The following BTN3A3 variants were observed in gnomAD, a reference collection of about 807,000 sequenced individuals.
BTN3A3 encodes the protein butyrophilin 3.
BTN3A3 carries 39 observed loss-of-function variants against 43.2 expected under a neutral mutation model. The ratio of observed to expected loss-of-function variants is 0.90; its 90% CI spans 0.70 to 1.18. The LOEUF is 1.18. Ranked by LOEUF, BTN3A3 falls within the 50% of genes most tolerant of loss-of-function variation. The pLI, the probability that BTN3A3 is intolerant of heterozygous loss-of-function variation, is 0.00. For missense variants in BTN3A3, 631 were observed against 722.8 expected (o/e 0.87, Z 1.46); for synonymous variants, 255 against 272.7 (o/e 0.93, Z 0.64).
chr6:26,449,752 TCTG>T, intron 9 of BTN3A3, 64 bp downstream of exon 9: 1 of 1,587,990 alleles, frequency 6.3e-7, no homozygotes, highest in East Asian at 2.2e-5. Context: ...CAACTTTTTC[TCTG>T]CTGTGACCCA....
chr6:26,443,305 G>A, intron 1 of BTN3A3, 77 bp from the exon 2 acceptor site: 3 of 556,018 alleles, frequency 5.4e-6, no homozygotes, highest in Non-Finnish European at 8.2e-6. Flanking sequence ...GGAAGTGATA[G>A]GATTATGAAT....
At position 26,444,248 on chromosome 6, in the gene BTN3A3, G is replaced by T. The variant is rs756493692; in HGVS notation, c.377G>T (p.Cys126Phe). The T allele has an allele frequency of 1.9e-6, 3 of 1,612,068 alleles. No individual in the cohort carries two copies. The South Asian group carries it at 3.3e-5, about 18-fold the overall frequency. The change falls in exon 4 of 11, where the codon TGT becomes TTT. Residue 126 changes from cysteine to phenylalanine, a missense_variant. By Grantham distance (205) the Cys-to-Phe change is radical. This residue lies in a region of BTN3A3 where 551 missense variants were observed against 584.0 expected (regional missense o/e 0.94). Coordinates refer to ENST00000244519, the MANE Select transcript of BTN3A3 (RefSeq NM_006994.5). Reference sequence around the variant, plus strand: ...GCCTCTGACAGTGGAAAGTACTTGTGTTATTTCCAAGATGGTGACTTCTAC... The same window carrying T: ...GCCTCTGACAGTGGAAAGTACTTGTTTTATTTCCAAGATGGTGACTTCTAC... ...VTASDSGKYL[C>F]YFQDGDFYEK...
chr6:26,452,790 C>A lies in BTN3A3; in HGVS notation c.*379C>A, dbSNP rs1183354663. On this transcript the variant is annotated 3_prime_UTR_variant, in exon 11 of 11. Transcript: ENST00000244519. ...TGGCTAATTGCCTGTTCTTTTCCAGCCTGATTTTTTTTCCCACAGGAAGAG... is the reference window on the plus strand; with the variant it reads ...TGGCTAATTGCCTGTTCTTTTCCAGACTGATTTTTTTTCCCACAGGAAGAG... 5.4e-6 allele frequency: 1 copy of A among 186,694 alleles called. No individual in the cohort carries two copies. Among genetic ancestry groups the A allele is most frequent in the South Asian group, 1.1e-4 (1 of 9,128 alleles). 11.6% of individuals were successfully genotyped at this position (186,694 alleles called of 1,614,324 possible). A position where few individuals can be genotyped will look rare whatever the true frequency, so the allele number is the denominator to read the frequency against.
At chr6:26,444,627 A>T (rs1486317255) in intron 4 of BTN3A3, 2 of 491,690 alleles carry the variant, frequency 4.1e-6, no homozygotes, top group Non-Finnish European at 7.4e-6. Flanking sequence ...TTAGTCATGT[A>T]ACAGACGGCT....
intron 10 of BTN3A3, among the ~76,000 whole-genome samples, chr6:26,451,078 G>C (rs941648233): frequency 5.9e-5 from 9 of 152,182 alleles, no homozygotes; most frequent in Admixed American, 5.9e-4. Context: ...AGGCTGGAGA[G>C]TGAATCTGGG....
In BTN3A3 at chr6:26,452,090, A is replaced by G. The variant is rs762084260; in HGVS notation, c.1434A>G (p.Thr478=). 2.3e-5 allele frequency: 37 copies of G among 1,613,900 alleles called. No homozygotes were observed. Among genetic ancestry groups the G allele is most frequent in the African/African-American group, 9.4e-5 (7 of 74,844 alleles). ...GAGAGATCTCGTTCTATAATGCCAC[A>G]GATGGATCTCATATCTACACCTTTC... The part of the protein sequence containing the change: ...ETGEISFYNA[T]DGSHIYTFPH... Residue 478 remains threonine (T), a synonymous_variant, in exon 11 of 11, where the codon ACA becomes ACG. Coordinates refer to ENST00000244519, the MANE Select transcript of BTN3A3 (RefSeq NM_006994.5).
chr6:26,445,673 C>T (rs1762756654), intron 4 of BTN3A3, 31 bp from the exon 5 acceptor site: 2 of 1,602,010 alleles, frequency 1.2e-6, no homozygotes, highest in African/African-American at 1.3e-5. Context: ...CAGGAGCTCT[C>T]AAGAATTTAG....
intron 5 of BTN3A3, among the ~76,000 whole-genome samples, chr6:26,446,691 T>A (rs1581654624): frequency 6.6e-6 from 1 of 152,192 alleles, no homozygotes; most frequent in Non-Finnish European, 1.5e-5. Context: ...TTGTATGAGA[T>A]GATCCATGTA....
intron 5 of BTN3A3, 27 bp from the exon 6 acceptor site, chr6:26,448,221 C>A (rs758928068): frequency 1.2e-6 from 2 of 1,610,104 alleles, no homozygotes; most frequent in Non-Finnish European, 1.7e-6. Context: ...CACTAGCTCC[C>A]ATGACCCACA....
intron 10 of BTN3A3, among the ~76,000 whole-genome samples, chr6:26,450,395 G>C (rs2113843704): frequency 1.3e-5 from 2 of 152,250 alleles, no homozygotes; most frequent in Middle Eastern, 3.4e-3. Context: ...GGAGCTGAGG[G>C]GAAGGAGACA....
rs372009871 is a variant in BTN3A3, at chr6:26,452,242, A to C, written c.1586A>C (p.Asp529Ala). The C allele has an allele frequency of 1.2e-6, 2 of 1,614,040 alleles. No homozygotes were observed. The highest frequency in any genetic ancestry group is 1.7e-6 in the Non-Finnish European group (2 of 1,180,046). Residue 529 changes from aspartate to alanine, a missense_variant, in exon 11 of 11, where the codon GAT becomes GCT. Physicochemically the swap from Asp to Ala is moderately radical, Grantham distance 126. Around this residue, in one of 2 missense-constraint regions of BTN3A3, gnomAD observed 551 missense variants for 584.0 expected, o/e 0.94. Coordinates refer to ENST00000244519, the MANE Select transcript of BTN3A3 (RefSeq NM_006994.5). ...ESSPDPDLVP[D>A]HSLETPLTPG... ...TCCCCCGATCCTGACCTAGTGCCTG[A>C]TCATTCCCTGGAGACACCACTGACC...
At chr6:26,448,509 A>G in intron 6 of BTN3A3, 61 bp downstream of exon 6, 1 of 1,607,724 alleles carries the variant, frequency 6.2e-7, no homozygotes, top group Non-Finnish European at 8.5e-7. Flanking sequence ...TGAAGATCTC[A>G]CCCCCATTCC....
Position 26,446,004 on chromosome 6 carries a change from C to A in BTN3A3, c.715+19C>A. On this transcript the variant is annotated intron_variant, in intron 5 of 10. Transcript: ENST00000244519. ...ATCGCAGGTCAGTACCCTGCTTGGCCTCAGCTTTACTGAGCTGAGCTGTGG... is the reference window on the plus strand; with the variant it reads ...ATCGCAGGTCAGTACCCTGCTTGGCATCAGCTTTACTGAGCTGAGCTGTGG... 1.2e-6 allele frequency: 2 copies of A among 1,613,170 alleles called. No individual in the cohort carries two copies.
intron 1 of BTN3A3, among the ~76,000 whole-genome samples, chr6:26,442,384 G>A (rs1300372051): frequency 1.3e-5 from 2 of 152,098 alleles, no homozygotes; most frequent in Non-Finnish European, 1.5e-5. Context: ...GTGTTCTTTT[G>A]CTCACTTAAC....
At position 26,452,429 on chromosome 6, in the gene BTN3A3, CAT is replaced by C; in HGVS notation, c.*21_*22del. ...TTTACTGATATTCATTCCATTATTC[CAT>C]ATGACAGTTGTTTTGAGTTTCGTAC... On this transcript the variant is annotated 3_prime_UTR_variant, in exon 11 of 11. Coordinates refer to ENST00000244519, the MANE Select transcript of BTN3A3 (RefSeq NM_006994.5). 6.4e-7 allele frequency: 1 copy of C among 1,571,230 alleles called. No homozygotes were observed. The highest frequency in any genetic ancestry group is 1.1e-5 in the South Asian group (1 of 87,332).
At position 26,444,290 on chromosome 6, in the gene BTN3A3, A is replaced by G; in HGVS notation, c.419A>G (p.Glu140Gly). Reference sequence around the variant, plus strand: ...GACTTCTACGAAAAAGCCCTGGTGGAGCTGAAGGTTGCAGGTGAGCCTCCA... The same window carrying G: ...GACTTCTACGAAAAAGCCCTGGTGGGGCTGAAGGTTGCAGGTGAGCCTCCA... ...DGDFYEKALV[E>G]LKVAALGSDL... Residue 140 changes from glutamate to glycine, a missense_variant, in exon 4 of 11, where the codon GAG (glutamate) becomes GGG (glycine). Coordinates refer to ENST00000244519, the MANE Select transcript of BTN3A3 (RefSeq NM_006994.5). 1 of 1,612,028 alleles carries G rather than the reference A, an allele frequency of 6.2e-7. No individual in the cohort carries two copies. Among genetic ancestry groups the G allele is most frequent in the Non-Finnish European group, 8.5e-7 (1 of 1,179,858 alleles).
At chr6:26,451,547 T>G in intron 10 of BTN3A3, 128 bp from the exon 11 acceptor site, 7 of 1,466,150 alleles carry the variant, frequency 4.8e-6, no homozygotes, top group Non-Finnish European at 6.3e-6. Context: ...GAGAGTCATA[T>G]TTAGAGCAGG....
At chr6:26,450,609 C>A (rs1581659039) in intron 10 of BTN3A3, among the ~76,000 whole-genome samples, 1 of 152,062 alleles carries the variant, frequency 6.6e-6, no homozygotes, top group Admixed American at 6.5e-5. Context: ...GAGGTGAAGA[C>A]TGAAGTAATA....
In BTN3A3 at chr6:26,448,293, G is replaced by A. The variant is rs1388942608; in HGVS notation, c.761G>A (p.Gly254Glu). 6 of 1,613,660 alleles carry A rather than the reference G, an allele frequency of 3.7e-6. No homozygotes were observed. Among genetic ancestry groups the A allele is most frequent in the Admixed American group, 1.7e-5 (1 of 59,962 alleles). Residue 254 changes from glycine (G) to glutamate (E), a missense_variant, in exon 6 of 11, where the codon GGG becomes GAG. By Grantham distance (98) the Gly-to-Glu change is moderately conservative. Transcript: ENST00000244519. ...CAGCCCTGGATCGCGGCCCTGGCAG[G>A]GACCCTGCCTATCTCGTTGCTGCTT... is the stretch of plus-strand genomic sequence containing the variant. ...SAQPWIAALA[G>E]TLPISLLLLA... is the part of the protein sequence containing the mutation.
Sources: gnomAD v4.1 joint callset for allele counts (sites outside exome capture counted in the v4.1 genomes callset) on GRCh38, gnomAD v4.1.1 for gene constraint, gnomAD v4.1.1 regional missense constraint, MANE v1.5 for transcripts, NCBI Gene and HGNC (gene_info 2026-07-23, HGNC 2026-07-21) for gene names.